ZFPM2: variants seen among roughly 807,000 people sequenced by gnomAD.
ZFPM2 encodes the protein zinc finger protein ZFPM2.
In ZFPM2, 20 loss-of-function variants were observed where a neutral mutation model predicts 98.6. The observed-to-expected ratio is 0.20, with a 90% CI of 0.14 to 0.29. The LOEUF (loss-of-function observed/expected upper bound fraction) is 0.29. Ranked by LOEUF, ZFPM2 falls within the 10% of genes least tolerant of loss-of-function variation. The probability of loss-of-function intolerance (pLI) is 1.00; values close to 1 mark genes in which losing one functional copy is unlikely to be tolerated. For missense variants in ZFPM2, 1,310 were observed against 1,388.6 expected, an observed-to-expected ratio of 0.94 and a Z score of 0.90; for synonymous variants, 518 against 502.7, an observed-to-expected ratio of 1.03 and a Z score of -0.41.
intron 5 of ZFPM2, among the ~76,000 whole-genome samples, chr8:105,675,015 T>G (rs1297326257): frequency 6.6e-6 from 1 of 152,102 alleles, no homozygotes; most frequent in Non-Finnish European, 1.5e-5. Context: ...AACCCTCAGA[T>G]GATGAAGCCA....
chr8:105,432,542 G>A (rs984782490), intron 2 of ZFPM2, among the ~76,000 whole-genome samples: 2 of 152,132 alleles, frequency 1.3e-5, no homozygotes, highest in African/African-American at 4.8e-5. Flanking sequence ...CACGGAGGCC[G>A]ACAAACAGAA....
At chr8:105,609,562 A>G (rs1018181887) in intron 4 of ZFPM2, among the ~76,000 whole-genome samples, 1 of 152,150 alleles carries the variant, frequency 6.6e-6, no homozygotes, top group African/African-American at 2.4e-5. Flanking sequence ...ACAGCCTCCC[A>G]TTGCCAAAGT....
chr8:105,455,222 T>TA (rs1722256570), intron 3 of ZFPM2, among the ~76,000 whole-genome samples: 1 of 152,188 alleles, frequency 6.6e-6, no homozygotes, highest in Admixed American at 6.5e-5. Flanking sequence ...AGATAAGAGA[T>TA]ACTCAACTGG....
chr8:105,483,935 C>A (rs547426218), intron 3 of ZFPM2, among the ~76,000 whole-genome samples: 1 of 151,722 alleles, frequency 6.6e-6, no homozygotes, highest in African/African-American at 2.4e-5. Flanking sequence ...TGGGTTTCAC[C>A]GTGTTATCCA....
chr8:105,766,290 G>A (rs762119516), intron 5 of ZFPM2, among the ~76,000 whole-genome samples: 2 of 151,852 alleles, frequency 1.3e-5, no homozygotes, highest in Non-Finnish European at 2.9e-5. Context: ...CTCTCAAAGC[G>A]TTTGCTTGTA....
At chr8:105,469,556 C>A (rs894155452) in intron 3 of ZFPM2, among the ~76,000 whole-genome samples, 1 of 152,214 alleles carries the variant, frequency 6.6e-6, no homozygotes, top group Non-Finnish European at 1.5e-5. Flanking sequence ...GAGGGCCAGA[C>A]TGACTAGCCT....
At chr8:105,472,136 G>A (rs80007852) in intron 3 of ZFPM2, among the ~76,000 whole-genome samples, 5,736 of 152,250 alleles carry the variant, frequency 0.038, 346 homozygotes, top group African/African-American at 0.13. Flanking sequence ...CAAAGCTTAT[G>A]ATAAAAAAGT....
chr8:105,663,097 A>C (rs558178127), intron 5 of ZFPM2, among the ~76,000 whole-genome samples: 1 of 152,220 alleles, frequency 6.6e-6, no homozygotes, highest in Non-Finnish European at 1.5e-5. Context: ...TATTATTACC[A>C]TGAGAAGTAC....
intron 3 of ZFPM2, among the ~76,000 whole-genome samples, chr8:105,514,687 C>T (rs1288791113): frequency 6.6e-6 from 1 of 152,182 alleles, no homozygotes; most frequent in Non-Finnish European, 1.5e-5. Flanking sequence ...AGGGATGTCT[C>T]CTGTTACTTC....
intron 5 of ZFPM2, among the ~76,000 whole-genome samples, chr8:105,705,990 A>C (rs182739371): frequency 1.3e-5 from 2 of 152,274 alleles, no homozygotes; most frequent in Non-Finnish European, 2.9e-5. Context: ...TTTCACATGC[A>C]CCATACGATT....
At chr8:105,535,550 A>G (rs1438932699) in intron 3 of ZFPM2, among the ~76,000 whole-genome samples, 1 of 152,196 alleles carries the variant, frequency 6.6e-6, no homozygotes, top group Non-Finnish European at 1.5e-5. Flanking sequence ...GTTATGGTCT[A>G]CAGTTTCGAT....
At chr8:105,477,299 C>T (rs958281275) in intron 3 of ZFPM2, among the ~76,000 whole-genome samples, 2 of 131,422 alleles carry the variant, frequency 1.5e-5, no homozygotes, top group African/African-American at 5.9e-5. Context: ...GGCCAGAGTG[C>T]AGTGGTGCGA....
At chr8:105,720,229 T>C (rs148934722) in intron 5 of ZFPM2, among the ~76,000 whole-genome samples, 6 of 151,994 alleles carry the variant, frequency 3.9e-5, no homozygotes, top group African/African-American at 1.2e-4. Flanking sequence ...ATTCTGCTCA[T>C]GTCCTTATGA....
intron 5 of ZFPM2, among the ~76,000 whole-genome samples, chr8:105,763,826 T>C (rs1419832845): frequency 1.3e-5 from 2 of 151,792 alleles, no homozygotes; most frequent in African/African-American, 2.4e-5. Flanking sequence ...GTGGGCTTGG[T>C]GATTTACTAA....
intron 1 of ZFPM2, among the ~76,000 whole-genome samples, chr8:105,410,058 A>T (rs1449202511): frequency 1.3e-5 from 2 of 151,934 alleles, no homozygotes; most frequent in Admixed American, 1.3e-4. Context: ...GGGCAGAATC[A>T]GAATGGGTAT....
chr8:105,552,465 A>G (rs1388601731), intron 3 of ZFPM2, among the ~76,000 whole-genome samples: 1 of 152,144 alleles, frequency 6.6e-6, no homozygotes. Context: ...CTGGCAGCAA[A>G]GAAGCACACT....
intron 1 of ZFPM2, among the ~76,000 whole-genome samples, chr8:105,350,703 T>G (rs1478437399): frequency 1.3e-5 from 2 of 152,246 alleles, no homozygotes; most frequent in African/African-American, 4.8e-5. Flanking sequence ...AGTATACTCT[T>G]TACTTATTCA....
intron 5 of ZFPM2, among the ~76,000 whole-genome samples, chr8:105,640,137 C>T (rs754054095): frequency 5.9e-5 from 9 of 152,018 alleles, no homozygotes; most frequent in South Asian, 2.1e-4. Flanking sequence ...ATTTAGGTTT[C>T]GATGGGTTAA....
At chr8:105,634,044 C>T (rs1816801365) in intron 4 of ZFPM2, among the ~76,000 whole-genome samples, 1 of 151,672 alleles carries the variant, frequency 6.6e-6, no homozygotes, top group Non-Finnish European at 1.5e-5. Context: ...GATAATATTT[C>T]TACCATTCAG....
Sources: gnomAD v4.1 joint callset for allele counts (sites outside exome capture counted in the v4.1 genomes callset) on GRCh38, gnomAD v4.1.1 for gene constraint, MANE v1.5 for transcripts, NCBI Gene and HGNC (gene_info 2026-07-23, HGNC 2026-07-21) for gene names.